Variants in ADGRE1 observed in about 807,000 individuals in gnomAD.
ADGRE1 encodes EGF-like module receptor 1.
ADGRE1 carries 82 observed loss-of-function variants against 102.7 expected under a neutral mutation model. The observed-to-expected ratio is 0.80, with a 90% CI of 0.67 to 0.96. ADGRE1 has a LOEUF of 0.96. ADGRE1 is among the 40% of genes least tolerant of loss of function. ADGRE1 has a pLI of 0.00. For synonymous variants in ADGRE1, 398 were observed against 399.6 expected (o/e 1.00, Z 0.05); for missense variants, 1,032 against 1,085.3 (o/e 0.95, Z 0.69).
chr19:6,926,853 T>C (rs1217485344), intron 16 of ADGRE1, among the ~76,000 whole-genome samples: 1 of 152,130 alleles, frequency 6.6e-6, no homozygotes, highest in African/African-American at 2.4e-5. Context: ...AACTTGATTA[T>C]TTTCCTTTTC....
At chr19:6,923,092 A>G (rs1276118208) in intron 14 of ADGRE1, among the ~76,000 whole-genome samples, 11 of 152,172 alleles carry the variant, frequency 7.2e-5, no homozygotes, top group African/African-American at 2.2e-4. Context: ...GAAAGAAAGT[A>G]TCCTTTCCTA....
chr19:6,940,083 T>C lies in ADGRE1; in HGVS notation c.*54T>C. On this transcript the variant is annotated 3_prime_UTR_variant, in exon 21 of 21. Coordinates refer to ENST00000312053, the MANE Select transcript of ADGRE1 (RefSeq NM_001974.5). Reference sequence around the variant, plus strand: ...GGAGCCACAGTTGAGGACAGTAGTTTCCTGCAGGAGCCTACCCTGAAATCT... The same window carrying C: ...GGAGCCACAGTTGAGGACAGTAGTTCCCTGCAGGAGCCTACCCTGAAATCT... 1.3e-6 allele frequency: 2 copies of C among 1,597,894 alleles called. No individual in the cohort carries two copies. The highest frequency in any genetic ancestry group is 1.7e-5 in the Admixed American group (1 of 59,388).
At chr19:6,937,134 C>A in intron 18 of ADGRE1, 109 bp from the exon 19 acceptor site, 1 of 1,283,398 alleles carries the variant, frequency 7.8e-7, no homozygotes, top group South Asian at 1.4e-5. Flanking sequence ...TTTGTCCACA[C>A]CTAGGTGGCA....
intron 18 of ADGRE1, among the ~76,000 whole-genome samples, 161 bp from the exon 19 acceptor site, chr19:6,937,082 A>T (rs1206454349): frequency 6.6e-6 from 1 of 152,064 alleles, no homozygotes; most frequent in Admixed American, 6.6e-5. Flanking sequence ...TGTCTATAGG[A>T]TTTGATTTTG....
intron 17 of ADGRE1, among the ~76,000 whole-genome samples, chr19:6,933,644 C>A (rs1975259886): frequency 6.6e-6 from 1 of 152,142 alleles, no homozygotes. Flanking sequence ...ACCTTGGCCT[C>A]CCAATGTGCT....
Position 6,906,106 on chromosome 19 carries a change from A to T in ADGRE1, c.950-327A>T, listed in dbSNP as rs532103825. On this transcript the variant is annotated intron_variant, in intron 8 of 20. Transcript: ENST00000312053. The stretch of plus-strand genomic sequence containing the variant: ...AATTTGCTCTGTTTCACTCAATATC[A>T]TGCCTCTTAGAGTGTAAGCTGTGCA... 3.7e-4 allele frequency among the ~76,000 whole-genome samples: 57 copies of T among 152,274 alleles called. No individual in the cohort carries two copies. In the South Asian group the frequency reaches 6.2e-3, roughly 17 times the overall value.
At chr19:6,914,479 T>A (rs1227878842) in intron 11 of ADGRE1, among the ~76,000 whole-genome samples, 15 of 152,232 alleles carry the variant, frequency 9.9e-5, no homozygotes, top group Non-Finnish European at 1.5e-5. Flanking sequence ...ACTTGATAGA[T>A]AACTACTTGG....
intron 11 of ADGRE1, among the ~76,000 whole-genome samples, chr19:6,916,027 T>A (rs1974366136): frequency 6.6e-6 from 1 of 151,588 alleles, no homozygotes; most frequent in Non-Finnish European, 1.5e-5. Context: ...CCCTAGGAGA[T>A]GAGAGTTCAC....
At chr19:6,937,922 A>G (rs902231194) in intron 20 of ADGRE1, among the ~76,000 whole-genome samples, 8 of 151,976 alleles carry the variant, frequency 5.3e-5, no homozygotes, top group Admixed American at 3.3e-4. Flanking sequence ...TATATGAATT[A>G]TGTAACATAT....
intron 6 of ADGRE1, among the ~76,000 whole-genome samples, chr19:6,902,398 TG>T (rs1973796352): frequency 6.6e-6 from 1 of 150,744 alleles, no homozygotes. Context: ...TGCCTCTTTT[TG>T]TTTGTTTGTT....
chr19:6,935,103 CCT>C (rs1975346036), intron 18 of ADGRE1, 25 bp downstream of exon 18: 1 of 1,461,416 alleles, frequency 6.8e-7, no homozygotes, highest in African/African-American at 1.8e-5. Flanking sequence ...CACCTCCCCC[CCT>C]CTTTTAATTT....
At chr19:6,920,563 G>T (rs1229702203) in intron 13 of ADGRE1, among the ~76,000 whole-genome samples, 2 of 96,582 alleles carry the variant, frequency 2.1e-5, no homozygotes, top group African/African-American at 8.0e-5. Flanking sequence ...CACTCTTGTT[G>T]CCCAGGCTGG....
In ADGRE1 at chr19:6,887,632, C is replaced by A; in HGVS notation, c.24C>A (p.Leu8=). 1 of 1,612,044 alleles carries A rather than the reference C, an allele frequency of 6.2e-7. No homozygotes were observed. The highest frequency in any genetic ancestry group is 8.5e-7 in the Non-Finnish European group (1 of 1,179,238). The change falls in exon 1 of 21, where the codon CTC becomes CTA. Residue 8 remains leucine, a synonymous_variant. Coordinates refer to ENST00000312053, the MANE Select transcript of ADGRE1 (RefSeq NM_001974.5). ...TAATGCGTGGCTTCAACCTGCTCCT[C>A]TTCTGGGGTGAGTGTGAGGCTGAAT... MRGFNLL[L]FWGCCVMHSW...
chr19:6,905,387 C>A (rs1055395321), intron 8 of ADGRE1, among the ~76,000 whole-genome samples: 18 of 147,534 alleles, frequency 1.2e-4, no homozygotes. Context: ...GAGTCTCACT[C>A]TGTCGCCCAG....
intron 5 of ADGRE1, chr19:6,897,895 G>A (rs1389591246): frequency 5.1e-6 from 1 of 194,508 alleles, no homozygotes; most frequent in African/African-American, 2.4e-5. Context: ...TTGCTAGCTA[G>A]TATTGCTAGC....
intron 10 of ADGRE1, among the ~76,000 whole-genome samples, chr19:6,911,640 CAT>C (rs1178033444): frequency 3.7e-5 from 5 of 135,676 alleles, no homozygotes; most frequent in South Asian, 2.4e-4. Context: ...AACACACACA[CAT>C]ATACACACAT....
intron 5 of ADGRE1, among the ~76,000 whole-genome samples, chr19:6,900,677 T>C (rs1437099382): frequency 6.6e-6 from 1 of 152,100 alleles, no homozygotes; most frequent in Non-Finnish European, 1.5e-5. Context: ...CTGTGTCTAG[T>C]GCATTGTTAT....
intron 6 of ADGRE1, among the ~76,000 whole-genome samples, chr19:6,903,540 G>T (rs541159967): frequency 1.9e-4 from 29 of 152,100 alleles, no homozygotes; most frequent in Non-Finnish European, 3.4e-4. Flanking sequence ...GGTGTTCCTG[G>T]TTTAGCCAGT....
chr19:6,895,095 A>G (rs1339959728), intron 2 of ADGRE1: 4 of 152,138 alleles, frequency 2.6e-5, no homozygotes, highest in Non-Finnish European at 5.9e-5. Context: ...AGGTCATTCC[A>G]TCTCCCAGGT....
Sources: allele counts gnomAD v4.1 joint callset (sites outside exome capture counted in the v4.1 genomes callset), GRCh38; gene constraint gnomAD v4.1.1; transcripts MANE v1.5; gene names NCBI Gene and HGNC (gene_info 2026-07-23, HGNC 2026-07-21).